The following PPAT variants were observed in gnomAD, a reference collection of about 807,000 sequenced individuals.
PPAT encodes the protein amidophosphoribosyltransferase.
Under a neutral mutation model 60.2 loss-of-function variants are expected in PPAT, and 20 were observed. The observed-to-expected ratio is 0.33, with a 90% confidence interval of 0.23 to 0.48. The LOEUF is 0.48. Among genes scored for constraint, PPAT ranks in the 20% least tolerant of loss-of-function variants. The probability of loss-of-function intolerance (pLI) is 0.99; values close to 1 mark genes in which losing one functional copy is unlikely to be tolerated. For synonymous variants in PPAT, 194 were observed against 215.1 expected, an observed-to-expected ratio of 0.90 and a Z score of 0.86; for missense variants, 349 against 629.6, an observed-to-expected ratio of 0.55 and a Z score of 4.77.
chr4:56,400,611 A>T, intron 8 of PPAT, 173 bp downstream of exon 8: 1 of 648,684 alleles, frequency 1.5e-6, no homozygotes, highest in Non-Finnish European at 2.4e-6. Context: ...TCACTAAAAT[A>T]GTGCCATTGG....
chr4:56,413,585 T>C (rs1449240682), intron 1 of PPAT, among the ~76,000 whole-genome samples: 1 of 152,178 alleles, frequency 6.6e-6, no homozygotes, highest in Non-Finnish European at 1.5e-5. Context: ...GAAGGGACTT[T>C]CCAAATTTGA....
chr4:56,414,524 A>C (rs1182391157), intron 1 of PPAT, among the ~76,000 whole-genome samples: 1 of 152,204 alleles, frequency 6.6e-6, no homozygotes, highest in Non-Finnish European at 1.5e-5. Flanking sequence ...TATTTTATAC[A>C]AATGTATCGC....
intron 1 of PPAT, among the ~76,000 whole-genome samples, chr4:56,424,731 G>T (rs1418462467): frequency 6.6e-6 from 1 of 152,208 alleles, no homozygotes; most frequent in Non-Finnish European, 1.5e-5. Flanking sequence ...GAAAATTTGT[G>T]TTTGACAATC....
chr4:56,427,587 G>A (rs917117037), intron 1 of PPAT, among the ~76,000 whole-genome samples: 2 of 151,060 alleles, frequency 1.3e-5, no homozygotes, highest in Non-Finnish European at 2.9e-5. Flanking sequence ...CAGGAGGATC[G>A]CTTGAGCTCA....
intron 1 of PPAT, among the ~76,000 whole-genome samples, chr4:56,412,633 C>T (rs1267082556): frequency 6.6e-6 from 1 of 152,190 alleles, no homozygotes; most frequent in Non-Finnish European, 1.5e-5. Flanking sequence ...CTTAGCATCA[C>T]TATATTTCCA....
At chr4:56,411,950 A>C (rs1047776129) in intron 1 of PPAT, among the ~76,000 whole-genome samples, 15 of 152,338 alleles carry the variant, frequency 9.8e-5, no homozygotes, top group South Asian at 6.2e-4. Context: ...TTCTGAGATG[A>C]CACCAAATTC....
At chr4:56,415,820 T>TA (rs1716701048) in intron 1 of PPAT, among the ~76,000 whole-genome samples, 1 of 152,172 alleles carries the variant, frequency 6.6e-6, no homozygotes, top group South Asian at 2.1e-4. Flanking sequence ...CTCACACCTG[T>TA]AATCCCAGCA....
chr4:56,435,210 C>A, intron 1 of PPAT, 140 bp downstream of exon 1: 1 of 1,278,200 alleles, frequency 7.8e-7, no homozygotes, highest in South Asian at 1.4e-5. Flanking sequence ...GCAACCCGGT[C>A]GACGCCACAG....
chr4:56,418,391 C>T (rs1248495034), intron 1 of PPAT, among the ~76,000 whole-genome samples: 1 of 152,150 alleles, frequency 6.6e-6, no homozygotes, highest in Non-Finnish European at 1.5e-5. Context: ...GTATTCTCAG[C>T]CCATTGCAAC....
chr4:56,410,863 G>A (rs914406603), intron 1 of PPAT: 4 of 921,898 alleles, frequency 4.3e-6, no homozygotes, highest in East Asian at 1.5e-4. Context: ...ACCTGGAAAC[G>A]CTCAGCCCAA....
At chr4:56,395,899 GTC>G (rs1715956753) in intron 10 of PPAT, among the ~76,000 whole-genome samples, 1 of 152,078 alleles carries the variant, frequency 6.6e-6, no homozygotes, top group Non-Finnish European at 1.5e-5. Flanking sequence ...GTTTTCCTAA[GTC>G]TATTTTTTCA....
At chr4:56,419,887 G>T in intron 1 of PPAT, 2 of 984,828 alleles carry the variant, frequency 2.0e-6, no homozygotes, top group Non-Finnish European at 2.4e-6. Context: ...AAGATCGTAA[G>T]AACAGCTCAA....
At chr4:56,401,868 TAAAG>T (rs1290015936) in intron 6 of PPAT, among the ~76,000 whole-genome samples, 19 of 152,070 alleles carry the variant, frequency 1.2e-4, no homozygotes, top group Admixed American at 5.2e-4. Context: ...ATATACAAAA[TAAAG>T]AAAATAAGTT....
intron 1 of PPAT, chr4:56,420,384 T>A (rs1404358479): frequency 6.6e-6 from 1 of 152,236 alleles, no homozygotes; most frequent in African/African-American, 2.4e-5. Flanking sequence ...AAGTTTCAAA[T>A]TTTGTAGCAT....
intron 1 of PPAT, among the ~76,000 whole-genome samples, chr4:56,427,490 G>T (rs916877755): frequency 6.6e-6 from 1 of 151,968 alleles, no homozygotes; most frequent in African/African-American, 2.4e-5. Flanking sequence ...TATCCAACAA[G>T]AGTGATTTAA....
At chr4:56,420,653 C>A (rs563768627) in intron 1 of PPAT, 2 of 151,922 alleles carry the variant, frequency 1.3e-5, no homozygotes, top group East Asian at 3.9e-4. Flanking sequence ...ATATGCAACC[C>A]CAGATGGCAG....
chr4:56,433,469 ACTCC>A, intron 1 of PPAT, among the ~76,000 whole-genome samples: 1 of 151,202 alleles, frequency 6.6e-6, no homozygotes, highest in Non-Finnish European at 1.5e-5. Flanking sequence ...GGGTACTAAA[ACTCC>A]AACCAGTGCT....
At chr4:56,399,061 T>TA (rs925057471) in intron 9 of PPAT, 118 bp downstream of exon 9, 46 of 839,364 alleles carry the variant, frequency 5.5e-5, no homozygotes, top group Admixed American at 3.2e-4. Context: ...ACCAAACTGA[T>TA]AAAAAAAGTT....
In PPAT at chr4:56,396,583, T is replaced by A; in HGVS notation, c.1357+36A>T. ...ACTGTCAAGCTTTGGATTTTCTCTG[T>A]TAATAATCAAAGTTTATAGAAATTT... is the stretch of plus-strand genomic sequence containing the variant. On this transcript the variant is annotated intron_variant, in intron 10 of 10. Coordinates refer to ENST00000264220, the MANE Select transcript of PPAT (RefSeq NM_002703.5). The surrounding 1 kb of genome is among the most constrained non-coding windows in gnomAD (Gnocchi z 4.6). The A allele has an allele frequency of 6.4e-7, 1 of 1,562,796 alleles. No individual in the cohort carries two copies.
Sources: gnomAD v4.1 joint callset for allele counts (sites outside exome capture counted in the v4.1 genomes callset) on GRCh38, gnomAD v4.1.1 for gene constraint, Gnocchi (gnomAD v3.1) non-coding constraint, MANE v1.5 for transcripts, NCBI Gene and HGNC (gene_info 2026-07-23, HGNC 2026-07-21) for gene names.